Variants in CFAP54 observed in about 807,000 individuals in gnomAD.
CFAP54 encodes cilia- and flagella-associated protein 54.
Under a neutral mutation model 370.4 loss-of-function variants are expected in CFAP54, and 290 were observed. The ratio of observed to expected loss-of-function variants is 0.78; its 90% confidence interval spans 0.71 to 0.86. The LOEUF is 0.86. CFAP54 is among the 40% of genes least tolerant of loss of function. The pLI, the probability that CFAP54 is intolerant of heterozygous loss-of-function variation, is 0.00. For synonymous variants in CFAP54, 1,206 were observed against 1,236.5 expected (o/e 0.98, Z 0.52); for missense variants, 3,399 against 3,528.7 (o/e 0.96, Z 0.93).
intron 59 of CFAP54, among the ~76,000 whole-genome samples, chr12:96,764,657 A>C (rs1048702706): frequency 6.6e-6 from 1 of 152,106 alleles, no homozygotes; most frequent in African/African-American, 2.4e-5. Context: ...ATTATTTGGG[A>C]TTTGTGCCAA....
intron 1 of CFAP54, among the ~76,000 whole-genome samples, chr12:96,499,504 T>C (rs1259058392): frequency 6.6e-6 from 1 of 152,196 alleles, no homozygotes; most frequent in Non-Finnish European, 1.5e-5. Context: ...AAGTCTCTCA[T>C]TGATTGCTGG....
intron 40 of CFAP54, among the ~76,000 whole-genome samples, chr12:96,681,363 G>A (rs577018829): frequency 1.5e-5 from 2 of 134,242 alleles, no homozygotes; most frequent in East Asian, 4.2e-4. Flanking sequence ...AAGAGACAAG[G>A]TTTTTCCTTT....
At chr12:96,659,543 T>C (rs1034263346) in intron 38 of CFAP54, among the ~76,000 whole-genome samples, 36 of 152,244 alleles carry the variant, frequency 2.4e-4, no homozygotes, top group African/African-American at 7.7e-4. Context: ...TTTCATATTC[T>C]TGTATTTATA....
chr12:96,796,454 A>G (rs891878603), intron 63 of CFAP54, among the ~76,000 whole-genome samples: 15 of 152,168 alleles, frequency 9.9e-5, no homozygotes, highest in Admixed American at 9.8e-4. Context: ...ATTGTTTGTT[A>G]GAACTCATCA....
rs138964108 is a variant in CFAP54, at chr12:96,515,566, C to T, written c.798+2522C>T. On this transcript the variant is annotated intron_variant, in intron 5 of 67. Transcript: ENST00000524981. ...GGAGACAAGTCTTTGGAGGTCCCAC[C>T]GTGTGTGAGATGTCCTGGGTCTGAG... is the stretch of plus-strand genomic sequence containing the variant. Among the ~76,000 whole-genome samples, 20 of 152,238 alleles carry T rather than the reference C, an allele frequency of 1.3e-4. No individual in the cohort carries two copies. In the East Asian group the frequency reaches 2.9e-3, roughly 22 times the overall value.
Position 96,559,804 on chromosome 12 carries a change from C to A in CFAP54, c.2411-4664C>A, listed in dbSNP as rs77738284. Among the ~76,000 whole-genome samples, 1,079 of 152,142 alleles carry A rather than the reference C, an allele frequency of 7.1e-3. 32 individuals carry two copies. The highest frequency in any genetic ancestry group is 0.056 in the East Asian group (289 of 5,180). ...AAATAACCATAATACCATTATCACT[C>A]TGAAGAAAGGTAACACTGATATAAT... On this transcript the variant is annotated intron_variant, in intron 17 of 67. Coordinates refer to ENST00000524981, the MANE Select transcript of CFAP54 (RefSeq NM_001306084.2).
At chr12:96,791,621 T>C in intron 62 of CFAP54, among the ~76,000 whole-genome samples, 1 of 152,244 alleles carries the variant, frequency 6.6e-6, no homozygotes, top group East Asian at 1.9e-4. Flanking sequence ...ATTTTCCATA[T>C]GGCATTGCAA....
chr12:96,868,337 T>C (rs1960059793), intron 67 of CFAP54, among the ~76,000 whole-genome samples: 1 of 152,170 alleles, frequency 6.6e-6, no homozygotes, highest in Admixed American at 6.5e-5. Flanking sequence ...CCTACTGAGG[T>C]TGAATGTTTT....
rs545293212 is a variant in CFAP54 at position 96,610,673 on chromosome 12, C to T, written c.3640-10917C>T. 1.1e-3 allele frequency among the ~76,000 whole-genome samples: 168 copies of T among 152,276 alleles called. 1 individual carries two copies. The highest frequency in any genetic ancestry group is 2.7e-3 in the African/African-American group (114 of 41,550). ...CTATGACAGACGGCACCTGGAAAAT[C>T]GGGTCACTCCCACCCTAATACTGTG... On this transcript the variant is annotated intron_variant, in intron 26 of 67. Coordinates refer to ENST00000524981, the MANE Select transcript of CFAP54 (RefSeq NM_001306084.2).
rs1958404555 is a variant in CFAP54 at position 96,766,654 on chromosome 12, T to C, written c.8281+1436T>C. Among the ~76,000 whole-genome samples, 3 of 152,346 alleles carry C rather than the reference T, an allele frequency of 2.0e-5. No homozygotes were observed. The South Asian group carries it at 6.2e-4, about 32-fold the overall frequency. ...ACTAATCTACTCTAGAATCTGAGGC[T>C]AATCGCTCAGTCTCTTGTCCGTAGA... On this transcript the variant is annotated intron_variant, in intron 60 of 67. Coordinates refer to ENST00000524981, the MANE Select transcript of CFAP54 (RefSeq NM_001306084.2).
chr12:96,553,118 C>T (rs571402580), intron 15 of CFAP54, among the ~76,000 whole-genome samples: 13 of 152,224 alleles, frequency 8.5e-5, no homozygotes, highest in Non-Finnish European at 1.6e-4. Flanking sequence ...GGCAGCTTTC[C>T]TATCTTGGCT....
At chr12:96,529,470 A>G (rs958157343) in intron 9 of CFAP54, among the ~76,000 whole-genome samples, 1 of 152,144 alleles carries the variant, frequency 6.6e-6, no homozygotes, top group Non-Finnish European at 1.5e-5. Context: ...TTGCACACCC[A>G]TCAACATTTT....
chr12:96,657,763 AT>A, intron 36 of CFAP54, 118 bp from the exon 37 acceptor site: 4 of 755,894 alleles, frequency 5.3e-6, no homozygotes, highest in Admixed American at 2.5e-5. Flanking sequence ...TAAGAAAAAT[AT>A]TTTTTCTTTT....
chr12:96,777,159 G>A (rs1234718529), intron 60 of CFAP54, among the ~76,000 whole-genome samples: 1 of 152,026 alleles, frequency 6.6e-6, no homozygotes, highest in Non-Finnish European at 1.5e-5. Context: ...AAAAGTAAAA[G>A]TGCTCATTCA....
chr12:96,862,396 G>A (rs1959899614), intron 67 of CFAP54, among the ~76,000 whole-genome samples: 1 of 152,144 alleles, frequency 6.6e-6, no homozygotes, highest in South Asian at 2.1e-4. Context: ...AAAACAAACT[G>A]TAAGGAGGAA....
chr12:96,796,975 C>T (rs574973410), intron 63 of CFAP54, among the ~76,000 whole-genome samples: 91 of 152,068 alleles, frequency 6.0e-4, no homozygotes, highest in Non-Finnish European at 1.1e-3. Flanking sequence ...CTATGACTTT[C>T]TCTCTAAACA....
intron 19 of CFAP54, among the ~76,000 whole-genome samples, chr12:96,567,549 C>G (rs1955875371): frequency 6.6e-6 from 1 of 152,142 alleles, no homozygotes; most frequent in Non-Finnish European, 1.5e-5. Flanking sequence ...GATCCATTTT[C>G]TCAGCTGATG....
rs1206422089 is a variant in CFAP54 at position 96,580,662 on chromosome 12, T to C, written c.2862T>C (p.Asn954=). The C allele has an allele frequency of 6.5e-7, 1 of 1,526,988 alleles. No homozygotes were observed. The highest frequency in any genetic ancestry group is 1.2e-5 in the South Asian group (1 of 82,628). 94.6% of individuals were successfully genotyped at this position (1,526,988 alleles called of 1,614,324 possible). ...EGSYGKVRLN[N]NHLPNSGEAI... is the part of the protein sequence containing the mutation. ...GTTATGGAAAAGTACGGCTAAACAA[T>C]AATCATCTCCCAAATTCAGGAGAAG... Residue 954 remains asparagine, a synonymous_variant, in exon 21 of 68, where the codon AAT becomes AAC. Transcript: ENST00000524981.
chr12:96,765,007 A>G, intron 59 of CFAP54, 70 bp from the exon 60 acceptor site: 1 of 1,183,856 alleles, frequency 8.4e-7, no homozygotes, highest in Non-Finnish European at 1.1e-6. Context: ...TTTTCACATT[A>G]TTTACCTAAT....
Sources: allele counts gnomAD v4.1 joint callset (sites outside exome capture counted in the v4.1 genomes callset), GRCh38; gene constraint gnomAD v4.1.1; transcripts MANE v1.5; gene names NCBI Gene and HGNC (gene_info 2026-07-23, HGNC 2026-07-21).